The following CSRNP2 variants were observed in gnomAD, a reference collection of about 807,000 sequenced individuals.
CSRNP2 encodes the protein cysteine and serine rich nuclear protein 2.
A neutral mutation model predicts 36.6 loss-of-function variants in CSRNP2; 11 were observed. The observed-to-expected ratio is 0.30, with a 90% CI of 0.19 to 0.50. The LOEUF (loss-of-function observed/expected upper bound fraction) is 0.50. CSRNP2 is among the 20% of genes least tolerant of loss of function. The probability of loss-of-function intolerance (pLI) is 0.98; values close to 1 mark genes in which losing one functional copy is unlikely to be tolerated. For missense variants in CSRNP2, 483 were observed against 691.4 expected (o/e 0.70, Z 3.38); for synonymous variants, 248 against 275.3 (o/e 0.90, Z 0.98).
intron 3 of CSRNP2, among the ~76,000 whole-genome samples, chr12:51,069,287 CTTTTTTTTTTTT>C (rs71089740): frequency 8.2e-6 from 1 of 121,312 alleles, no homozygotes; most frequent in South Asian, 2.7e-4. Flanking sequence ...CTTCTCCTTT[CTTTTTTTTTTTT>C]TTTTTTTTGA....
chr12:51,073,819 G>T lies in CSRNP2; in HGVS notation c.411+4C>A, dbSNP rs759495188. Reference sequence around the variant, plus strand: ...CAGCAGTAGATCCCAGAACACTTAGGCACCTTCATTTTCTTGGCATGGAGT... The same window carrying T: ...CAGCAGTAGATCCCAGAACACTTAGTCACCTTCATTTTCTTGGCATGGAGT... On this transcript the variant is annotated splice_donor_region_variant and intron_variant, in intron 3 of 4. Transcript: ENST00000228515. 6.2e-7 allele frequency: 1 copy of T among 1,613,018 alleles called. No homozygotes were observed. Among genetic ancestry groups the T allele is most frequent in the South Asian group, 1.1e-5 (1 of 91,022 alleles).
At position 51,063,709 on chromosome 12, in the gene CSRNP2, A is replaced by G. The variant is rs767181790; in HGVS notation, c.*37T>C. The G allele has an allele frequency of 1.4e-6, 2 of 1,448,730 alleles. No individual in the cohort carries two copies. The highest frequency in any genetic ancestry group is 4.7e-5 in the East Asian group (2 of 42,834). The allele number at this position is 1,448,730 out of a possible 1,614,324, so 89.7% of individuals were successfully genotyped here. On this transcript the variant is annotated 3_prime_UTR_variant, in exon 5 of 5. Coordinates refer to ENST00000228515, the MANE Select transcript of CSRNP2 (RefSeq NM_030809.3). ...GGTGTTAGATAAAATAAGGGAATAA[A>G]TAGAGAATGGGTAAGAGGCAGGACC...
chr12:51,063,864 G>A lies in CSRNP2; in HGVS notation c.1514C>T (p.Pro505Leu), dbSNP rs201394453. Residue 505 changes from proline to leucine, a missense_variant, in exon 5 of 5, where the codon CCC becomes CTC. Around this residue, in one of 2 missense-constraint regions of CSRNP2, gnomAD observed 277 missense variants for 323.6 expected, o/e 0.86. Transcript: ENST00000228515. ...GTCCGTGCGGAAGGGGAGGCTTGAG[G>A]GGGACCAGGAAGGGTGGAAGTCTTC... The part of the protein sequence containing the change: ...ENEDFHPSWS[P>L]SSLPFRTDNE... The A allele has an allele frequency of 2.1e-5, 34 of 1,614,116 alleles. No individual in the cohort carries two copies. Among genetic ancestry groups the A allele is most frequent in the South Asian group, 1.9e-4 (17 of 91,074 alleles).
intron 1 of CSRNP2, among the ~76,000 whole-genome samples, chr12:51,077,468 A>C (rs1311114150): frequency 6.6e-6 from 1 of 152,168 alleles, no homozygotes; most frequent in Non-Finnish European, 1.5e-5. Context: ...TAAGGAACCC[A>C]CTGTTTCCAA....
chr12:51,081,742 A>C (rs1939649807), intron 1 of CSRNP2, among the ~76,000 whole-genome samples: 1 of 152,248 alleles, frequency 6.6e-6, no homozygotes. Context: ...CCTAATAAAC[A>C]GTTCCACCAG....
intron 1 of CSRNP2, among the ~76,000 whole-genome samples, chr12:51,077,778 C>T (rs958997449): frequency 6.6e-6 from 1 of 152,152 alleles, no homozygotes; most frequent in African/African-American, 2.4e-5. Flanking sequence ...AATCTTTGCC[C>T]TCTATAAAGA....
At chr12:51,069,014 C>T (rs908140608) in intron 3 of CSRNP2, among the ~76,000 whole-genome samples, 7 of 152,140 alleles carry the variant, frequency 4.6e-5, no homozygotes, top group South Asian at 2.1e-4. Context: ...CTCGCTCTGT[C>T]GCCCAGGCTG....
intron 1 of CSRNP2, chr12:51,082,726 C>T (rs1273075965): frequency 6.6e-6 from 1 of 152,134 alleles, no homozygotes; most frequent in Non-Finnish European, 1.5e-5. Flanking sequence ...GCAACCAGGG[C>T]AATTGATGCT....
intron 1 of CSRNP2, among the ~76,000 whole-genome samples, chr12:51,080,734 C>T (rs931061119): frequency 1.3e-5 from 2 of 152,176 alleles, no homozygotes; most frequent in African/African-American, 4.8e-5. Context: ...ACATTAGCTC[C>T]ACCATTTTTT....
Position 51,064,172 on chromosome 12 carries a change from A to G in CSRNP2, c.1206T>C (p.Thr402=). 1 of 1,614,110 alleles carries G rather than the reference A, an allele frequency of 6.2e-7. No individual in the cohort carries two copies. Among genetic ancestry groups the G allele is most frequent in the East Asian group, 2.2e-5 (1 of 44,870 alleles). The change falls in exon 5 of 5, where the codon ACT becomes ACC. Residue 402 remains threonine (T), a synonymous_variant. Transcript: ENST00000228515. The part of the protein sequence containing the change: ...LCFTENSDHP[T]ASTVNSPSYL... Reference sequence around the variant, plus strand: ...AGGATGGGCTGTTCACCGTTGAGGCAGTTGGGTGGTCTGAGTTCTCGGTAA... The same window carrying G: ...AGGATGGGCTGTTCACCGTTGAGGCGGTTGGGTGGTCTGAGTTCTCGGTAA...
At chr12:51,077,044 C>CAAA (rs34490094) in intron 1 of CSRNP2, among the ~76,000 whole-genome samples, 3,219 of 126,148 alleles carry the variant, frequency 0.026, 50 homozygotes, top group Non-Finnish European at 0.032. Flanking sequence ...GTTTGGTTGG[C>CAAA]AAAAAAAAAA....
intron 3 of CSRNP2, among the ~76,000 whole-genome samples, chr12:51,069,692 C>CT (rs894915514): frequency 3.5e-5 from 5 of 141,408 alleles, no homozygotes; most frequent in Middle Eastern, 3.6e-3. Flanking sequence ...TTTTTTTTTT[C>CT]TTTTTTTTCT....
intron 3 of CSRNP2, among the ~76,000 whole-genome samples, chr12:51,069,860 T>TTTTTTGTA (rs1938921634): frequency 6.6e-6 from 1 of 151,460 alleles, no homozygotes; most frequent in Non-Finnish European, 1.5e-5. Flanking sequence ...GCCTCGCTAA[T>TTTTTTGTA]TTTTTGTATT....
chr12:51,068,724 T>C (rs1032943870), intron 3 of CSRNP2, among the ~76,000 whole-genome samples: 2 of 152,040 alleles, frequency 1.3e-5, no homozygotes, highest in Non-Finnish European at 2.9e-5. Flanking sequence ...TCCTTGGATA[T>C]ACAGAAAAAT....
Position 51,079,140 on chromosome 12 carries a change from G to A in CSRNP2, c.-86-2493C>T, listed in dbSNP as rs139299528. On this transcript the variant is annotated intron_variant, in intron 1 of 4. Transcript: ENST00000228515. ...TCTCAAGGACAGAAAACCAAACACC[G>A]CACGTTCTCACTCATAGGTGGGAAT... Among the ~76,000 whole-genome samples the A allele has an allele frequency of 1.7e-3, 265 of 152,054 alleles. 8 individuals carry two copies. In the East Asian group the frequency reaches 0.047, roughly 27 times the overall value.
chr12:51,082,264 T>A (rs1939672431), intron 1 of CSRNP2, among the ~76,000 whole-genome samples: 1 of 152,090 alleles, frequency 6.6e-6, no homozygotes, highest in Admixed American at 6.6e-5. Flanking sequence ...CCCGCTTAAG[T>A]TAGGTGTTTA....
chr12:51,062,267 A>G lies in CSRNP2; in HGVS notation c.*1479T>C, dbSNP rs1487013699. 6.6e-6 allele frequency: 1 copy of G among 152,122 alleles called. No homozygotes were observed. The highest frequency in any genetic ancestry group is 1.5e-5 in the Non-Finnish European group (1 of 68,014). The allele number at this position is 152,122 out of a possible 1,614,324, so 9.4% of individuals were successfully genotyped here. On this transcript the variant is annotated 3_prime_UTR_variant, in exon 5 of 5. Coordinates refer to ENST00000228515, the MANE Select transcript of CSRNP2 (RefSeq NM_030809.3). ...GTAGGAGTAGTGTCTCCCCCCCAAC[A>G]CAGTTTTTCACTTTTGTGTGTGTGT...
At chr12:51,081,858 A>AC (rs146642573) in intron 1 of CSRNP2, among the ~76,000 whole-genome samples, 11,855 of 151,536 alleles carry the variant, frequency 0.078, 508 homozygotes, top group South Asian at 0.11. Flanking sequence ...ACAAAAAAAA[A>AC]CAGCATATGT....
At chr12:51,068,750 A>G (rs905977326) in intron 3 of CSRNP2, among the ~76,000 whole-genome samples, 1 of 152,192 alleles carries the variant, frequency 6.6e-6, no homozygotes, top group Non-Finnish European at 1.5e-5. Flanking sequence ...ACACCCTTCA[A>G]CTTGCACCCA....
Sources: allele counts gnomAD v4.1 joint callset (sites outside exome capture counted in the v4.1 genomes callset), GRCh38; gene constraint gnomAD v4.1.1; regional missense constraint gnomAD v4.1.1; transcripts MANE v1.5; gene names NCBI Gene and HGNC (gene_info 2026-07-23, HGNC 2026-07-21).